Variants in SMIM35 observed in about 807,000 individuals in gnomAD.
SMIM35 encodes the protein small integral membrane protein 35, also known as TMPRSS4 antisense RNA 1 (non-protein coding).
chr11:118,025,769 T>C (rs1222618960), intron 1 of SMIM35: 2 of 451,068 alleles, frequency 4.4e-6, no homozygotes, highest in Admixed American at 4.8e-5. Context: ...GATAGTTTCT[T>C]TTGCTGTGCA....
At position 118,057,707 on chromosome 11, in the gene SMIM35, A is replaced by G. The variant is rs139907721; in HGVS notation, c.7+29044T>C. Among the ~76,000 whole-genome samples the G allele has an allele frequency of 7.8e-3, 1,193 of 152,318 alleles. 15 individuals are homozygous for G. Among genetic ancestry groups the G allele is most frequent in the African/African-American group, 0.027 (1,135 of 41,560 alleles). On this transcript the variant is annotated intron_variant, in intron 1 of 4. Coordinates refer to ENST00000689828, the MANE Select transcript of SMIM35 (RefSeq NM_001394165.1). The stretch of plus-strand genomic sequence containing the variant: ...GGTATGTTGAGGGGATTCGCCTCGG[A>G]GGCTGAAAGCAAAGCCAGGAAGGAG...
intron 1 of SMIM35, among the ~76,000 whole-genome samples, chr11:118,028,567 A>G (rs2135051318): frequency 6.6e-6 from 1 of 152,360 alleles, no homozygotes; most frequent in South Asian, 2.1e-4. Flanking sequence ...TTGATTTTAC[A>G]AATAAAACTA....
chr11:118,044,343 G>A (rs1171468028), intron 1 of SMIM35, among the ~76,000 whole-genome samples: 1 of 148,992 alleles, frequency 6.7e-6, no homozygotes, highest in Non-Finnish European at 1.5e-5. Context: ...ATGCAGCCGT[G>A]AGTACGTGCC....
chr11:118,019,531 G>A (rs2058208712), intron 1 of SMIM35, among the ~76,000 whole-genome samples: 1 of 152,162 alleles, frequency 6.6e-6, no homozygotes, highest in Non-Finnish European at 1.5e-5. Flanking sequence ...GATCTGCAAA[G>A]GGGTCCCCCA....
chr11:118,061,686 C>A (rs147449256), intron 1 of SMIM35, among the ~76,000 whole-genome samples: 1 of 152,102 alleles, frequency 6.6e-6, no homozygotes, highest in East Asian at 1.9e-4. Context: ...GCCCTTCCTG[C>A]GACCTGGGCT....
intron 1 of SMIM35, chr11:118,025,707 C>A (rs1184230725): frequency 1.1e-5 from 5 of 453,098 alleles, no homozygotes; most frequent in Admixed American, 2.4e-5. Flanking sequence ...TTGTTGGATG[C>A]ATAGTTTGTG....
chr11:118,029,079 A>G, intron 1 of SMIM35: 1 of 304,034 alleles, frequency 3.3e-6, no homozygotes, highest in Admixed American at 4.5e-5. Flanking sequence ...TCACTCAAAT[A>G]AAGGACATGG....
chr11:118,021,358 C>A (rs2058229750), intron 1 of SMIM35, among the ~76,000 whole-genome samples: 1 of 152,032 alleles, frequency 6.6e-6, no homozygotes, highest in South Asian at 2.1e-4. Context: ...CTGACTAATT[C>A]TTTCTTCAGC....
At position 118,037,603 on chromosome 11, in the gene SMIM35, G is replaced by A. The variant is rs138163419; in HGVS notation, c.8-21794C>T. On this transcript the variant is annotated intron_variant, in intron 1 of 4. Coordinates refer to ENST00000689828, the MANE Select transcript of SMIM35 (RefSeq NM_001394165.1). Reference sequence around the variant, plus strand: ...AAGATAAACAAGTTCCCCCTCTTTCGGCGGTTAGCAAGTTTAAAGCTCTTC... The same window carrying A: ...AAGATAAACAAGTTCCCCCTCTTTCAGCGGTTAGCAAGTTTAAAGCTCTTC... Among the ~76,000 whole-genome samples, 61 of 152,262 alleles carry A rather than the reference G, an allele frequency of 4.0e-4. No homozygotes were observed. In the East Asian group the frequency reaches 9.9e-3, roughly 25 times the overall value.
rs1944068918 is a variant in SMIM35, at chr11:118,044,792, T to A, written c.8-28983A>T. Among the ~76,000 whole-genome samples, 11 of 62,226 alleles carry A rather than the reference T, an allele frequency of 1.8e-4. 1 individual carries two copies. The highest frequency in any genetic ancestry group is 3.6e-4 in the Admixed American group (2 of 5,578). 40.8% of individuals were successfully genotyped at this position (62,226 alleles called of 152,430 possible). A position where few individuals can be genotyped will look rare whatever the true frequency, so the allele number is the denominator to read the frequency against. ...ATCTCCAAAAAAAAAAAAAAAAAGT[T>A]CATTCTACTAAAAAAAAAACAAAAC... On this transcript the variant is annotated intron_variant, in intron 1 of 4. Transcript: ENST00000689828.
chr11:118,009,495 T>G (rs1161549851), intron 4 of SMIM35, among the ~76,000 whole-genome samples: 1 of 152,062 alleles, frequency 6.6e-6, no homozygotes, highest in African/African-American at 2.4e-5. Context: ...CAGGTAAAGT[T>G]GGTTGGGAAT....
chr11:118,008,813 A>C (rs565874004), intron 4 of SMIM35, among the ~76,000 whole-genome samples: 1 of 152,228 alleles, frequency 6.6e-6, no homozygotes. Context: ...GAGGTTTAAA[A>C]CCTGATTCTG....
intron 1 of SMIM35, among the ~76,000 whole-genome samples, chr11:118,024,868 C>T (rs1255042709): frequency 1.3e-5 from 2 of 152,116 alleles, no homozygotes; most frequent in African/African-American, 2.4e-5. Flanking sequence ...GATCCCATTA[C>T]CCGGGTAGTG....
At chr11:118,041,566 T>C (rs1290604916) in intron 1 of SMIM35, among the ~76,000 whole-genome samples, 7 of 152,036 alleles carry the variant, frequency 4.6e-5, no homozygotes, top group East Asian at 1.9e-4. Context: ...CTATAACCAA[T>C]GGATCAAGGA....
rs2058120743 is a variant in SMIM35 at position 118,006,161 on chromosome 11, T to C, written c.*249A>G. 1 of 152,306 alleles carries C rather than the reference T, an allele frequency of 6.6e-6. No individual in the cohort carries two copies. The highest frequency in any genetic ancestry group is 6.5e-5 in the Admixed American group (1 of 15,284). 9.4% of individuals were successfully genotyped at this position (152,306 alleles called of 1,614,324 possible). A position where few individuals can be genotyped will look rare whatever the true frequency, so the allele number is the denominator to read the frequency against. On this transcript the variant is annotated 3_prime_UTR_variant, in exon 5 of 5. Coordinates refer to ENST00000689828, the MANE Select transcript of SMIM35 (RefSeq NM_001394165.1). ...ACTCACTGACTCCACTTCCAACTGC[T>C]TCTGCAGCACTGACAGCTCCAGGGA...
intron 1 of SMIM35, among the ~76,000 whole-genome samples, chr11:118,031,120 A>G (rs2058316215): frequency 6.6e-6 from 1 of 152,214 alleles, no homozygotes; most frequent in Non-Finnish European, 1.5e-5. Context: ...ACAAATACAA[A>G]AAGAGAGACA....
intron 1 of SMIM35, among the ~76,000 whole-genome samples, chr11:118,053,395 T>A (rs1347043191): frequency 2.0e-5 from 3 of 151,676 alleles, no homozygotes; most frequent in Non-Finnish European, 4.4e-5. Flanking sequence ...GGGCAAATGT[T>A]CCTTGAATAA....
chr11:118,060,483 T>C (rs1266016642), intron 1 of SMIM35, among the ~76,000 whole-genome samples: 6 of 152,362 alleles, frequency 3.9e-5, no homozygotes, highest in Non-Finnish European at 7.4e-5. Context: ...ATTCAGCCTT[T>C]TCTTCCCAGG....
chr11:118,066,849 T>A (rs1337566740), intron 1 of SMIM35, among the ~76,000 whole-genome samples: 1 of 151,354 alleles, frequency 6.6e-6, no homozygotes, highest in East Asian at 1.9e-4. Flanking sequence ...CAAAACATTA[T>A]CTTGATAATT....
Sources: gnomAD v4.1 joint callset for allele counts (sites outside exome capture counted in the v4.1 genomes callset) on GRCh38, gnomAD v4.1.1 for gene constraint, MANE v1.5 for transcripts, NCBI Gene and HGNC (gene_info 2026-07-23, HGNC 2026-07-21) for gene names.